Variants in KIFAP3 observed in about 807,000 individuals in gnomAD.
KIFAP3 encodes kinesin-associated protein 3.
A neutral mutation model predicts 106.5 loss-of-function variants in KIFAP3; 68 were observed. The ratio of observed to expected loss-of-function variants is 0.64; its 90% confidence interval spans 0.53 to 0.78. KIFAP3 has a LOEUF of 0.78. KIFAP3 is among the 30% of genes least tolerant of loss of function. KIFAP3 has a pLI of 0.00. For missense variants in KIFAP3, 780 were observed against 941.8 expected (o/e 0.83, Z 2.25); for synonymous variants, 320 against 311.5 (o/e 1.03, Z -0.29).
chr1:169,961,754 T>C (rs912659874), intron 17 of KIFAP3, among the ~76,000 whole-genome samples: 11 of 152,204 alleles, frequency 7.2e-5, no homozygotes, highest in African/African-American at 1.4e-4. Context: ...ACTTGGTGAA[T>C]AGTAAATATA....
In KIFAP3 at chr1:169,982,564, T is replaced by C. The variant is rs377712252; in HGVS notation, c.1672+138A>G. On this transcript the variant is annotated intron_variant, in intron 14 of 19. Transcript: ENST00000361580. ...GTAAGAGGTGATCCAGTGACTACCT[T>C]TCTGGGAGAAGAGAGCTGTGAGAAG... 1.0e-4 allele frequency: 52 copies of C among 516,678 alleles called. 1 individual carries two copies. Among genetic ancestry groups the C allele is most frequent in the Admixed American group, 5.8e-4 (17 of 29,496 alleles). 32.0% of individuals were successfully genotyped at this position (516,678 alleles called of 1,614,324 possible).
At chr1:169,990,010 T>G in intron 11 of KIFAP3, 1 of 1,548,460 alleles carries the variant, frequency 6.5e-7, no homozygotes, top group Non-Finnish European at 8.7e-7. Flanking sequence ...TTTGTTCATA[T>G]TCTTCTAACA....
intron 2 of KIFAP3, among the ~76,000 whole-genome samples, chr1:170,052,210 C>T (rs924164171): frequency 3.3e-5 from 5 of 152,084 alleles, no homozygotes; most frequent in African/African-American, 9.7e-5. Flanking sequence ...ACAAACACCT[C>T]GAAGCAAATA....
intron 10 of KIFAP3, among the ~76,000 whole-genome samples, chr1:170,009,674 A>C (rs961899959): frequency 1.3e-5 from 2 of 152,166 alleles, no homozygotes; most frequent in Admixed American, 6.6e-5. Flanking sequence ...TTAACTTTTC[A>C]AGTTACTTTT....
At chr1:170,068,671 A>G (rs970485090) in intron 1 of KIFAP3, 1 of 152,042 alleles carries the variant, frequency 6.6e-6, no homozygotes, top group Non-Finnish European at 1.5e-5. Flanking sequence ...AAAACAGTCA[A>G]AAACTTCCCA....
At chr1:170,011,279 T>A (rs1458882507) in intron 10 of KIFAP3, among the ~76,000 whole-genome samples, 1 of 151,934 alleles carries the variant, frequency 6.6e-6, no homozygotes, top group Non-Finnish European at 1.5e-5. Context: ...ACAGTGATAT[T>A]TCTGAAGGTT....
chr1:169,993,972 T>C (rs561194673), intron 10 of KIFAP3, among the ~76,000 whole-genome samples: 113 of 152,222 alleles, frequency 7.4e-4, no homozygotes, highest in Non-Finnish European at 1.5e-3. Flanking sequence ...ATCTAACATA[T>C]AACCTCCATG....
chr1:170,080,436 A>G (rs1672002345), intron 1 of KIFAP3, among the ~76,000 whole-genome samples: 1 of 152,146 alleles, frequency 6.6e-6, no homozygotes, highest in Non-Finnish European at 1.5e-5. Flanking sequence ...GAAAATGCAA[A>G]GGACCTCTAA....
intron 10 of KIFAP3, among the ~76,000 whole-genome samples, chr1:170,006,241 C>T (rs1667954047): frequency 6.6e-6 from 1 of 152,152 alleles, no homozygotes; most frequent in African/African-American, 2.4e-5. Context: ...TCATGTGTTC[C>T]TTTCATCCTT....
intron 19 of KIFAP3, among the ~76,000 whole-genome samples, chr1:169,945,514 C>T (rs982705594): frequency 1.3e-5 from 2 of 152,208 alleles, no homozygotes; most frequent in Non-Finnish European, 2.9e-5. Flanking sequence ...ATCCCTGCAG[C>T]AGCTGCTCCA....
chr1:170,012,760 G>C (rs561944188), intron 10 of KIFAP3, among the ~76,000 whole-genome samples: 20 of 151,960 alleles, frequency 1.3e-4, no homozygotes, highest in Admixed American at 3.9e-4. Flanking sequence ...AATTTATAAA[G>C]AAAAAAAGAC....
intron 7 of KIFAP3, among the ~76,000 whole-genome samples, chr1:170,033,025 C>T (rs1340192863): frequency 2.0e-5 from 3 of 151,686 alleles, no homozygotes; most frequent in African/African-American, 7.2e-5. Context: ...CATACTTCTC[C>T]AGTTTAAATA....
At chr1:169,941,741 G>A (rs1454470968) in intron 19 of KIFAP3, among the ~76,000 whole-genome samples, 2 of 152,176 alleles carry the variant, frequency 1.3e-5, no homozygotes, top group East Asian at 3.9e-4. Flanking sequence ...CTAACTTCCA[G>A]TTGCCAACCA....
At chr1:169,933,360 A>G (rs974630959) in intron 19 of KIFAP3, among the ~76,000 whole-genome samples, 1 of 152,108 alleles carries the variant, frequency 6.6e-6, no homozygotes, top group Non-Finnish European at 1.5e-5. Context: ...TTAGAAGAAC[A>G]GGAATTAAAG....
chr1:169,934,725 T>G (rs1035119538), intron 19 of KIFAP3, among the ~76,000 whole-genome samples: 1 of 152,076 alleles, frequency 6.6e-6, no homozygotes, highest in African/African-American at 2.4e-5. Context: ...CACCATACAT[T>G]TTTGAGATTA....
chr1:169,963,323 T>C (rs1558200322), intron 17 of KIFAP3, among the ~76,000 whole-genome samples: 3 of 152,232 alleles, frequency 2.0e-5, no homozygotes, highest in Admixed American at 2.0e-4. Flanking sequence ...ATGGTGTATA[T>C]GTATAACATT....
rs1378739447 is a variant in KIFAP3 at position 169,994,094 on chromosome 1, T to TATATATTTACATATATATTAAAC, written c.1184-1840_1184-1839insGTTTAATATATATGTAAATATAT. ...TAATAATAATTTATTAAACATTTAC[T>TATATATTTACATATATATTAAAC]ATATATCAAGAGCCATGCTAAACAG... On this transcript the variant is annotated intron_variant, in intron 10 of 19. Transcript: ENST00000361580. 1.2e-3 allele frequency among the ~76,000 whole-genome samples: 176 copies of TATATATTTACATATATATTAAAC among 152,362 alleles called. 3 individuals are homozygous for TATATATTTACATATATATTAAAC. The highest frequency in any genetic ancestry group is 5.9e-4 in the Non-Finnish European group (40 of 68,038).
At chr1:170,003,487 A>T (rs1031935428) in intron 10 of KIFAP3, among the ~76,000 whole-genome samples, 2 of 152,186 alleles carry the variant, frequency 1.3e-5, no homozygotes, top group Admixed American at 6.5e-5. Context: ...TCAGGGACGC[A>T]CTTGAGGAGG....
intron 9 of KIFAP3, chr1:170,024,013 C>T (rs1021798228): frequency 3.3e-5 from 5 of 152,796 alleles, no homozygotes; most frequent in African/African-American, 1.2e-4. Flanking sequence ...TTGTAGGTAA[C>T]AAAGTGGAAG....
Sources: allele counts gnomAD v4.1 joint callset (sites outside exome capture counted in the v4.1 genomes callset), GRCh38; gene constraint gnomAD v4.1.1; transcripts MANE v1.5; gene names NCBI Gene and HGNC (gene_info 2026-07-23, HGNC 2026-07-21).